The following ME3 variants were observed in gnomAD, a reference collection of about 807,000 sequenced individuals.
The protein encoded by ME3 is malic enzyme 3.
ME3 carries 48 observed loss-of-function variants against 68.9 expected under a neutral mutation model. That is an observed-to-expected ratio of 0.70 (90% CI 0.55 to 0.89). The LOEUF (loss-of-function observed/expected upper bound fraction) is 0.89. Ranked by LOEUF, ME3 falls within the 40% of genes least tolerant of loss-of-function variation. The pLI is 0.00. For synonymous variants in ME3, 320 were observed against 318.8 expected, an observed-to-expected ratio of 1.00 and a Z score of -0.04; for missense variants, 675 against 797.4, an observed-to-expected ratio of 0.85 and a Z score of 1.85.
intron 8 of ME3, among the ~76,000 whole-genome samples, chr11:86,454,867 A>G (rs1949828751): frequency 6.6e-6 from 1 of 152,210 alleles, no homozygotes; most frequent in Non-Finnish European, 1.5e-5. Flanking sequence ...CTCTGTTTCT[A>G]GTTTTCCAGG....
downstream of ME3, chr11:86,436,639 C>T (rs1408352499): frequency 6.6e-6 from 1 of 152,090 alleles, no homozygotes; most frequent in Non-Finnish European, 1.5e-5. Context: ...TTAGCTCTCA[C>T]ATTTAGGTCT....
At chr11:86,654,571 G>A (rs1306735150) in intron 2 of ME3, among the ~76,000 whole-genome samples, 4 of 152,130 alleles carry the variant, frequency 2.6e-5, no homozygotes, top group Non-Finnish European at 5.9e-5. Flanking sequence ...AACTCTCAAT[G>A]AATTAGGTAT....
chr11:86,589,382 TATGAATGAATGAATGAATG>T (rs1554992472), intron 2 of ME3, among the ~76,000 whole-genome samples: 1 of 147,594 alleles, frequency 6.8e-6, no homozygotes, highest in Non-Finnish European at 1.5e-5. Flanking sequence ...AGAGAGAATA[TATGAATGAATGAATGAATG>T]ATGAATGAAT....
intron 8 of ME3, among the ~76,000 whole-genome samples, chr11:86,450,977 TC>T (rs1252712551): frequency 2.6e-5 from 4 of 152,210 alleles, no homozygotes; most frequent in African/African-American, 9.6e-5. Flanking sequence ...TGAATCCACA[TC>T]TAAGGCCTCA....
chr11:86,556,388 G>T (rs561823884), intron 4 of ME3, among the ~76,000 whole-genome samples, 165 bp downstream of exon 4: 2 of 150,486 alleles, frequency 1.3e-5, no homozygotes, highest in Non-Finnish European at 3.0e-5. Context: ...CTCTGCTTAC[G>T]GGGTCATTTT....
At position 86,613,463 on chromosome 11, in the gene ME3, C is replaced by T. The variant is rs576706993; in HGVS notation, c.184-53640G>A. ...CTTTTCAACATAGTATTGGAAGTTC[C>T]GACCAGGGCATCAGGCAAGAGAAAG... is the stretch of plus-strand genomic sequence containing the variant. On this transcript the variant is annotated intron_variant, in intron 2 of 14. Transcript: ENST00000543262. Among the ~76,000 whole-genome samples the T allele has an allele frequency of 1.2e-4, 18 of 152,126 alleles. No homozygotes were observed. The South Asian group carries it at 2.7e-3, about 23-fold the overall frequency.
At chr11:86,486,576 G>C (rs1951699570) in intron 7 of ME3, among the ~76,000 whole-genome samples, 1 of 152,226 alleles carries the variant, frequency 6.6e-6, no homozygotes, top group Admixed American at 6.5e-5. Context: ...TGCCAAACCT[G>C]TGCAATCTTC....
intron 5 of ME3, among the ~76,000 whole-genome samples, chr11:86,507,389 G>A (rs1246151649): frequency 6.6e-6 from 1 of 152,176 alleles, no homozygotes; most frequent in Admixed American, 6.5e-5. Flanking sequence ...CAGAGTAGAT[G>A]TGTTGGAGTA....
chr11:86,652,245 G>A (rs986947524), intron 2 of ME3, among the ~76,000 whole-genome samples: 4 of 152,100 alleles, frequency 2.6e-5, no homozygotes, highest in Non-Finnish European at 4.4e-5. Context: ...TACAGAGAAT[G>A]CCACAAAGAT....
chr11:86,463,183 G>T (rs1003627636), intron 8 of ME3, among the ~76,000 whole-genome samples: 2 of 152,164 alleles, frequency 1.3e-5, no homozygotes, highest in African/African-American at 4.8e-5. Context: ...TGTTTAGGAG[G>T]ATGTATACAC....
chr11:86,530,056 C>T (rs975064224), intron 4 of ME3, among the ~76,000 whole-genome samples: 5 of 152,100 alleles, frequency 3.3e-5, no homozygotes, highest in South Asian at 2.1e-4. Context: ...GAAAAGAGGA[C>T]GTCAAATTGT....
At chr11:86,562,969 T>A (rs60324644) in intron 2 of ME3, among the ~76,000 whole-genome samples, 1 of 152,066 alleles carries the variant, frequency 6.6e-6, no homozygotes, top group Non-Finnish European at 1.5e-5. Flanking sequence ...TATCCTCCAA[T>A]TGCATTCGTG....
rs1594186584 is a variant in ME3 at position 86,497,951 on chromosome 11, G to T, written c.705+12C>A. ...TTTGGCCCCAGAGCTCCTGCCCTGGGCAGTGGGTTACCTCATTGTTGGTGC... is the reference window on the plus strand; with the variant it reads ...TTTGGCCCCAGAGCTCCTGCCCTGGTCAGTGGGTTACCTCATTGTTGGTGC... On this transcript the variant is annotated intron_variant, in intron 6 of 14. Coordinates refer to ENST00000543262, the Ensembl canonical transcript of ME3. 1.3e-6 allele frequency: 2 copies of T among 1,586,176 alleles called. No individual in the cohort carries two copies. Among genetic ancestry groups the T allele is most frequent in the African/African-American group, 1.3e-5 (1 of 74,358 alleles).
At chr11:86,446,257 C>T (rs546212673) in intron 13 of ME3, 57 bp downstream of exon 13, 15 of 1,577,854 alleles carry the variant, frequency 9.5e-6, no homozygotes, top group Middle Eastern at 4.4e-4. Flanking sequence ...GGTATAGGAC[C>T]CAGTGTCAAC....
intron 2 of ME3, among the ~76,000 whole-genome samples, chr11:86,562,228 C>T (rs1189278010): frequency 1.3e-5 from 2 of 152,150 alleles, no homozygotes; most frequent in African/African-American, 4.8e-5. Flanking sequence ...AGAGTTCATT[C>T]ATGTATATTT....
intron 2 of ME3, among the ~76,000 whole-genome samples, chr11:86,560,770 A>ATATATATT (rs1405684410): frequency 2.3e-5 from 3 of 132,160 alleles, no homozygotes; most frequent in East Asian, 2.4e-4. Context: ...ATATATATAT[A>ATATATATT]TATTTCCAGG....
chr11:86,508,013 T>G (rs1196964686), intron 5 of ME3, among the ~76,000 whole-genome samples: 2 of 151,956 alleles, frequency 1.3e-5, no homozygotes, highest in African/African-American at 4.8e-5. Flanking sequence ...TTGCATTCTA[T>G]AACGTATATT....
At chr11:86,437,305 TC>T (rs765913345), downstream of ME3, 1 of 152,200 alleles carries the variant, frequency 6.6e-6, no homozygotes, top group Non-Finnish European at 1.5e-5. Flanking sequence ...ATTTTCTTTA[TC>T]CAGCCATCGA....
chr11:86,553,730 C>T (rs1336888884), intron 4 of ME3, among the ~76,000 whole-genome samples: 3 of 152,138 alleles, frequency 2.0e-5, no homozygotes, highest in African/African-American at 7.2e-5. Flanking sequence ...AGCTGCAGGC[C>T]CCCGGACCCT....
Sources: gnomAD v4.1 joint callset for allele counts (sites outside exome capture counted in the v4.1 genomes callset) on GRCh38, gnomAD v4.1.1 for gene constraint, MANE v1.5 for transcripts, NCBI Gene and HGNC (gene_info 2026-07-23, HGNC 2026-07-21) for gene names.